Variants in NRG3 observed in about 807,000 individuals in gnomAD.
NRG3 encodes neuregulin 3.
In NRG3, 31 loss-of-function variants were observed where a neutral mutation model predicts 66.9. That is an observed-to-expected ratio of 0.46 (90% confidence interval 0.35 to 0.63). The LOEUF is 0.63. Among genes scored for constraint, NRG3 ranks in the 20% least tolerant of loss-of-function variants. The probability of loss-of-function intolerance (pLI) is 0.00; values close to 1 mark genes in which losing one functional copy is unlikely to be tolerated. For missense variants in NRG3, 910 were observed against 878.9 expected, an observed-to-expected ratio of 1.04 and a Z score of -0.45; for synonymous variants, 393 against 359.4, an observed-to-expected ratio of 1.09 and a Z score of -1.06.
chr10:82,576,305 G>A (rs747686199), intron 2 of NRG3, among the ~76,000 whole-genome samples: 76 of 151,312 alleles, frequency 5.0e-4, no homozygotes, highest in Non-Finnish European at 3.4e-4. Flanking sequence ...GGGCATTTCT[G>A]TACATACTTT....
chr10:82,811,381 G>A (rs561519164), intron 3 of NRG3, among the ~76,000 whole-genome samples: 13 of 152,290 alleles, frequency 8.5e-5, no homozygotes, highest in South Asian at 4.2e-4. Flanking sequence ...AATGATGTGC[G>A]TTCCCTTTTT....
At chr10:82,404,204 C>T (rs944669883) in intron 2 of NRG3, among the ~76,000 whole-genome samples, 2 of 152,132 alleles carry the variant, frequency 1.3e-5, no homozygotes, top group African/African-American at 4.8e-5. Context: ...AGACTTGGGT[C>T]ATTCAAATTC....
intron 2 of NRG3, among the ~76,000 whole-genome samples, chr10:82,538,174 G>C (rs1228634364): frequency 6.6e-6 from 1 of 152,096 alleles, no homozygotes; most frequent in Non-Finnish European, 1.5e-5. Context: ...TCTAGCAAAA[G>C]CTCAGTTTAT....
intron 2 of NRG3, among the ~76,000 whole-genome samples, chr10:82,687,968 C>T (rs1286644967): frequency 1.3e-5 from 2 of 152,138 alleles, no homozygotes; most frequent in African/African-American, 4.8e-5. Flanking sequence ...AACTAATCTT[C>T]AGTCCTTGCT....
intron 1 of NRG3, chr10:81,878,161 A>G: frequency 7.3e-7 from 1 of 1,361,154 alleles, no homozygotes; most frequent in Non-Finnish European, 9.7e-7. Context: ...AGCCTGTTTA[A>G]TAAGTAATGA....
At chr10:81,912,545 G>T (rs1845267555) in intron 1 of NRG3, among the ~76,000 whole-genome samples, 1 of 152,184 alleles carries the variant, frequency 6.6e-6, no homozygotes, top group African/African-American at 2.4e-5. Context: ...ATTTTGTATC[G>T]ATTATTCTAA....
intron 2 of NRG3, among the ~76,000 whole-genome samples, chr10:82,657,371 ATTTTCT>A (rs2051954717): frequency 6.6e-6 from 1 of 151,758 alleles, no homozygotes; most frequent in Non-Finnish European, 1.5e-5. Flanking sequence ...TGAGTTGCTG[ATTTTCT>A]TTTTCTTCTC....
chr10:82,892,389 C>A (rs1184110940), intron 4 of NRG3, among the ~76,000 whole-genome samples: 1 of 152,116 alleles, frequency 6.6e-6, no homozygotes, highest in African/African-American at 2.4e-5. Context: ...ATAGGCCAAG[C>A]ATGGTGGCTC....
At chr10:82,130,591 A>G (rs2068752874) in intron 1 of NRG3, among the ~76,000 whole-genome samples, 1 of 152,076 alleles carries the variant, frequency 6.6e-6, no homozygotes, top group Admixed American at 6.5e-5. Context: ...TGGTAGTTCC[A>G]TTTTTAGTTT....
intron 4 of NRG3, among the ~76,000 whole-genome samples, chr10:82,944,748 A>G (rs1848858487): frequency 6.6e-6 from 1 of 152,190 alleles, no homozygotes; most frequent in South Asian, 2.1e-4. Flanking sequence ...ATGCATTAAA[A>G]ACAAAAATAA....
At chr10:82,149,922 A>G (rs1564611963) in intron 1 of NRG3, among the ~76,000 whole-genome samples, 1 of 152,074 alleles carries the variant, frequency 6.6e-6, no homozygotes, top group African/African-American at 2.4e-5. Context: ...GAATAAGCCG[A>G]CCTTTAACTA....
chr10:82,769,985 G>A (rs1376991054), intron 3 of NRG3, among the ~76,000 whole-genome samples: 2 of 151,988 alleles, frequency 1.3e-5, no homozygotes, highest in African/African-American at 2.4e-5. Flanking sequence ...CTGTAACTTA[G>A]CCAATCATAA....
rs1271679775 is a variant in NRG3, at chr10:82,831,639, A to AC, written c.1028-33770dup. ...AAACCAGCCTGACCAACAGGGTGAA[A>AC]CCTGTCTCTACTAAAAATACAAAAA... On this transcript the variant is annotated intron_variant, in intron 3 of 8. Coordinates refer to ENST00000372141, the MANE Select transcript of NRG3 (RefSeq NM_001010848.4). Among the ~76,000 whole-genome samples, 4 of 151,844 alleles carry AC rather than the reference A, an allele frequency of 2.6e-5. No individual in the cohort carries two copies. The East Asian group carries it at 7.8e-4, about 30-fold the overall frequency.
At chr10:82,817,431 A>G (rs2061759299) in intron 3 of NRG3, among the ~76,000 whole-genome samples, 1 of 152,160 alleles carries the variant, frequency 6.6e-6, no homozygotes, top group Non-Finnish European at 1.5e-5. Flanking sequence ...ATTTCATATA[A>G]ATCTCACAGT....
At position 82,548,755 on chromosome 10, in the gene NRG3, A is replaced by G. The variant is rs533173190; in HGVS notation, c.954-189822A>G. On this transcript the variant is annotated intron_variant, in intron 2 of 8. Transcript: ENST00000372141. Reference sequence around the variant, plus strand: ...GAAGAAGGAGACAGCAGTAAAACATAAATAAATTAATTAATTAATTAAAAC... The same window carrying G: ...GAAGAAGGAGACAGCAGTAAAACATGAATAAATTAATTAATTAATTAAAAC... Among the ~76,000 whole-genome samples, 5 of 150,158 alleles carry G rather than the reference A, an allele frequency of 3.3e-5. No individual in the cohort carries two copies. In the East Asian group the frequency reaches 7.7e-4, roughly 23 times the overall value.
rs546140592 is a variant in NRG3 at position 82,833,382 on chromosome 10, T to C, written c.1028-32029T>C. 2.6e-4 allele frequency among the ~76,000 whole-genome samples: 39 copies of C among 152,260 alleles called. No individual in the cohort carries two copies. The South Asian group carries it at 8.1e-3, about 32-fold the overall frequency. ...AGTCTCAATCCTGACCCAGACTCAGTTCCCGAGTGCGGTACTGTTTCCCAC... is the reference window on the plus strand; with the variant it reads ...AGTCTCAATCCTGACCCAGACTCAGCTCCCGAGTGCGGTACTGTTTCCCAC... On this transcript the variant is annotated intron_variant, in intron 3 of 8. Coordinates refer to ENST00000372141, the MANE Select transcript of NRG3 (RefSeq NM_001010848.4).
intron 4 of NRG3, among the ~76,000 whole-genome samples, chr10:82,880,009 C>A (rs566240182): frequency 8.5e-6 from 1 of 117,420 alleles, no homozygotes; most frequent in African/African-American, 3.3e-5. Flanking sequence ...GAAGCTTGTG[C>A]TGTATTGAAA....
intron 1 of NRG3, among the ~76,000 whole-genome samples, chr10:81,880,149 T>C (rs779173553): frequency 3.9e-5 from 6 of 152,172 alleles, no homozygotes; most frequent in East Asian, 3.9e-4. Context: ...TACACACTTA[T>C]GTTGCACTTC....
intron 2 of NRG3, 144 bp downstream of exon 2, chr10:82,359,012 G>T: frequency 8.5e-7 from 1 of 1,177,926 alleles, no homozygotes; most frequent in Non-Finnish European, 1.2e-6. Flanking sequence ...TCTTAATTTG[G>T]AAAGGGCAAG....
Sources: allele counts gnomAD v4.1 joint callset (sites outside exome capture counted in the v4.1 genomes callset), GRCh38; gene constraint gnomAD v4.1.1; transcripts MANE v1.5; gene names NCBI Gene and HGNC (gene_info 2026-07-23, HGNC 2026-07-21).